CAB39L: variants seen among roughly 807,000 people sequenced by gnomAD.
CAB39L encodes the protein calcium binding protein 39 like.
CAB39L carries 23 observed loss-of-function variants against 39.1 expected under a neutral mutation model. The ratio of observed to expected loss-of-function variants is 0.59; its 90% confidence interval spans 0.42 to 0.83. CAB39L has a LOEUF of 0.83. Ranked by LOEUF, CAB39L falls within the 40% of genes least tolerant of loss-of-function variation. CAB39L has a pLI of 0.00. For synonymous variants in CAB39L, 126 were observed against 137.2 expected (o/e 0.92, Z 0.57); for missense variants, 366 against 391.9 (o/e 0.93, Z 0.56).
chr13:49,324,183 G>A (rs1400206828), intron 10 of CAB39L, among the ~76,000 whole-genome samples: 1 of 151,976 alleles, frequency 6.6e-6, no homozygotes, highest in African/African-American at 2.4e-5. Context: ...CAGGTGTGGT[G>A]GTGGGTGCCT....
At chr13:49,388,035 GAC>G (rs1331834408) in intron 3 of CAB39L, among the ~76,000 whole-genome samples, 1 of 152,186 alleles carries the variant, frequency 6.6e-6, no homozygotes, top group African/African-American at 2.4e-5. Flanking sequence ...TGTAGTGAGA[GAC>G]ACAGACACGT....
intron 5 of CAB39L, among the ~76,000 whole-genome samples, chr13:49,366,662 A>C (rs1477380986): frequency 6.7e-6 from 1 of 148,808 alleles, no homozygotes; most frequent in African/African-American, 2.5e-5. Flanking sequence ...CATGCTCTCC[A>C]AACACCCTCC....
At chr13:49,388,064 A>G (rs1594038647) in intron 3 of CAB39L, among the ~76,000 whole-genome samples, 2 of 152,334 alleles carry the variant, frequency 1.3e-5, no homozygotes, top group East Asian at 3.9e-4. Context: ...TTTTCCCAGA[A>G]GGCGAGAAAA....
At chr13:49,372,317 T>C (rs548368499) in intron 5 of CAB39L, among the ~76,000 whole-genome samples, 1 of 152,312 alleles carries the variant, frequency 6.6e-6, no homozygotes, top group African/African-American at 2.4e-5. Flanking sequence ...TATAGCTACA[T>C]AATGAGATTT....
At chr13:49,352,666 C>T (rs1384105723) in intron 6 of CAB39L, among the ~76,000 whole-genome samples, 1 of 152,110 alleles carries the variant, frequency 6.6e-6, no homozygotes, top group Non-Finnish European at 1.5e-5. Context: ...TGGCACACGC[C>T]TGTAGTCCCA....
intron 4 of CAB39L, among the ~76,000 whole-genome samples, chr13:49,377,824 A>C (rs1225330027): frequency 1.0e-5 from 1 of 96,082 alleles, no homozygotes; most frequent in Non-Finnish European, 2.1e-5. Context: ...CCCGTCTGGG[A>C]TGTGAGGAGC....
intron 3 of CAB39L, among the ~76,000 whole-genome samples, chr13:49,411,425 A>AG (rs1467376678): frequency 6.6e-6 from 1 of 151,374 alleles, no homozygotes; most frequent in Non-Finnish European, 1.5e-5. Flanking sequence ...AAAAAAAAAA[A>AG]AAGAAAATCC....
At chr13:49,331,110 T>C (rs149064171) in intron 10 of CAB39L, among the ~76,000 whole-genome samples, 37 of 152,182 alleles carry the variant, frequency 2.4e-4, no homozygotes, top group African/African-American at 7.5e-4. Flanking sequence ...CTATTTACAA[T>C]AGTTAGGCTG....
intron 3 of CAB39L, among the ~76,000 whole-genome samples, chr13:49,395,306 G>T (rs547425956): frequency 1.3e-5 from 2 of 151,240 alleles, no homozygotes; most frequent in East Asian, 3.9e-4. Context: ...CATGATCTCG[G>T]CTCACTGCAA....
chr13:49,352,048 T>C (rs555867116), intron 6 of CAB39L, among the ~76,000 whole-genome samples: 7 of 152,240 alleles, frequency 4.6e-5, no homozygotes, highest in South Asian at 4.1e-4. Context: ...AGGAAAAAGA[T>C]AGGAGAGACC....
At position 49,433,312 on chromosome 13, in the gene CAB39L, G is replaced by A; in HGVS notation, c.-32+6C>T. The A allele has an allele frequency of 2.2e-6, 1 of 446,130 alleles. No homozygotes were observed. Among genetic ancestry groups the A allele is most frequent in the East Asian group, 7.0e-5 (1 of 14,340 alleles). 27.6% of individuals were successfully genotyped at this position (446,130 alleles called of 1,614,324 possible). On this transcript the variant is annotated splice_donor_region_variant and intron_variant, in intron 3 of 10. Coordinates refer to ENST00000409308, the MANE Select transcript of CAB39L (RefSeq NM_001079670.3). Reference sequence around the variant, plus strand: ...AAATCTTGATTGAGTCATCATACTAGCTTACCTTAGAAGTTGTATATCATT... The same window carrying A: ...AAATCTTGATTGAGTCATCATACTAACTTACCTTAGAAGTTGTATATCATT...
At chr13:49,361,888 C>A (rs1293655812) in intron 5 of CAB39L, among the ~76,000 whole-genome samples, 1 of 152,120 alleles carries the variant, frequency 6.6e-6, no homozygotes, top group Non-Finnish European at 1.5e-5. Context: ...CTACCTCCAC[C>A]TTCACAGCAG....
intron 9 of CAB39L, among the ~76,000 whole-genome samples, chr13:49,334,644 G>A (rs1407194582): frequency 6.6e-6 from 1 of 152,148 alleles, no homozygotes; most frequent in Non-Finnish European, 1.5e-5. Flanking sequence ...AGCTCCATAA[G>A]GGCGTGTTTC....
chr13:49,359,671 T>A (rs368881362), intron 6 of CAB39L, 43 bp downstream of exon 6: 5 of 1,006,742 alleles, frequency 5.0e-6, no homozygotes, highest in Non-Finnish European at 7.7e-6. Flanking sequence ...TTTTAACAAC[T>A]ATTAAAAACT....
At chr13:49,325,276 C>T (rs950009111) in intron 10 of CAB39L, among the ~76,000 whole-genome samples, 3 of 152,178 alleles carry the variant, frequency 2.0e-5, no homozygotes, top group Non-Finnish European at 4.4e-5. Flanking sequence ...CAAATGAGGA[C>T]ACGATAAAGC....
chr13:49,397,007 A>G (rs1956652148), intron 3 of CAB39L, among the ~76,000 whole-genome samples: 1 of 152,202 alleles, frequency 6.6e-6, no homozygotes, highest in Admixed American at 6.5e-5. Flanking sequence ...CTCTCCCCCA[A>G]AAAACATAAT....
chr13:49,342,023 T>A (rs1050601611), intron 8 of CAB39L, among the ~76,000 whole-genome samples: 3 of 152,136 alleles, frequency 2.0e-5, no homozygotes, highest in African/African-American at 7.2e-5. Context: ...GAAGGACAAC[T>A]GGCAAAAATA....
chr13:49,415,012 A>G (rs1271193959), intron 3 of CAB39L, among the ~76,000 whole-genome samples: 1 of 151,850 alleles, frequency 6.6e-6, no homozygotes, highest in Non-Finnish European at 1.5e-5. Flanking sequence ...CCTGGCCAAC[A>G]TGGTGAAATC....
intron 3 of CAB39L, among the ~76,000 whole-genome samples, chr13:49,405,081 T>C (rs1027367823): frequency 2.0e-5 from 3 of 152,024 alleles, no homozygotes; most frequent in Non-Finnish European, 2.9e-5. Flanking sequence ...GAGAAGGTTA[T>C]AGAACACTAA....
Sources: allele counts gnomAD v4.1 joint callset (sites outside exome capture counted in the v4.1 genomes callset), GRCh38; gene constraint gnomAD v4.1.1; transcripts MANE v1.5; gene names NCBI Gene and HGNC (gene_info 2026-07-23, HGNC 2026-07-21).